RBFOX1: variants seen among roughly 807,000 people sequenced by gnomAD.
RBFOX1 encodes the protein RNA binding protein fox-1 homolog 1.
A neutral mutation model predicts 57.7 loss-of-function variants in RBFOX1; 8 were observed. The ratio of observed to expected loss-of-function variants is 0.14; its 90% CI spans 0.08 to 0.25. The LOEUF is 0.25. RBFOX1 is among the 10% of genes least tolerant of loss of function. RBFOX1 has a pLI of 1.00. For missense variants in RBFOX1, 611 were observed against 548.5 expected (o/e 1.11, Z -1.14); for synonymous variants, 326 against 222.4 (o/e 1.47, Z -4.15).
intron 3 of RBFOX1, among the ~76,000 whole-genome samples, chr16:7,041,090 T>A (rs1482682963): frequency 1.7e-5 from 2 of 120,034 alleles, no homozygotes. Flanking sequence ...TAATTTTTTT[T>A]TTTTTTTTTT....
At chr16:6,679,198 T>G (rs1457566420) in intron 3 of RBFOX1, among the ~76,000 whole-genome samples, 1 of 152,110 alleles carries the variant, frequency 6.6e-6, no homozygotes, top group Non-Finnish European at 1.5e-5. Flanking sequence ...TTATGGCATA[T>G]CAGACTGGTT....
chr16:5,572,944 G>C (rs571829903), intron 2 of RBFOX1, among the ~76,000 whole-genome samples: 14 of 152,118 alleles, frequency 9.2e-5, no homozygotes, highest in Non-Finnish European at 1.9e-4. Context: ...GAGGGAGACT[G>C]GGGGGTGATT....
At chr16:6,647,326 A>G (rs946030848) in intron 2 of RBFOX1, among the ~76,000 whole-genome samples, 5 of 151,928 alleles carry the variant, frequency 3.3e-5, no homozygotes, top group African/African-American at 4.8e-5. Context: ...GCTCGCTGCA[A>G]CTTCCGCCTC....
intron 3 of RBFOX1, among the ~76,000 whole-genome samples, chr16:6,667,171 G>A (rs987138622): frequency 1.1e-4 from 17 of 152,132 alleles, no homozygotes; most frequent in African/African-American, 3.9e-4. Context: ...ATGTGGTGTT[G>A]AGTTAAATTA....
At chr16:7,112,167 A>C (rs76490777) in intron 4 of RBFOX1, among the ~76,000 whole-genome samples, 2,196 of 152,290 alleles carry the variant, frequency 0.014, 56 homozygotes, top group African/African-American at 0.051. Context: ...AGAATCATAC[A>C]AACTTTGTTT....
At chr16:6,058,832 T>TCCA (rs1567352762) in intron 1 of RBFOX1, among the ~76,000 whole-genome samples, 15 of 81,786 alleles carry the variant, frequency 1.8e-4, no homozygotes, top group East Asian at 7.2e-4. Context: ...ACTCATTTAT[T>TCCA]TATCCATCCA....
At chr16:6,850,925 T>A (rs1273120303) in intron 3 of RBFOX1, among the ~76,000 whole-genome samples, 2 of 152,188 alleles carry the variant, frequency 1.3e-5, no homozygotes, top group African/African-American at 4.8e-5. Flanking sequence ...TGTATGCAAA[T>A]GTTCACTGCA....
At chr16:6,786,921 G>T (rs1337398543) in intron 3 of RBFOX1, among the ~76,000 whole-genome samples, 1 of 151,374 alleles carries the variant, frequency 6.6e-6, no homozygotes, top group South Asian at 2.1e-4. Flanking sequence ...AAAAAAAAAG[G>T]CTTATTGACT....
intron 5 of RBFOX1, among the ~76,000 whole-genome samples, chr16:7,518,771 C>A (rs1447647950): frequency 6.6e-6 from 1 of 152,058 alleles, no homozygotes; most frequent in Non-Finnish European, 1.5e-5. Context: ...GCCTGTGATC[C>A]CAGCACTTTG....
intron 4 of RBFOX1, among the ~76,000 whole-genome samples, chr16:5,870,771 C>T (rs182304176): frequency 1.1e-4 from 16 of 152,074 alleles, no homozygotes; most frequent in Admixed American, 4.6e-4. Context: ...TTATTTAATG[C>T]GTGATCCATA....
intron 1 of RBFOX1, among the ~76,000 whole-genome samples, chr16:6,231,129 C>G (rs556565334): frequency 1.3e-5 from 2 of 151,960 alleles, no homozygotes; most frequent in South Asian, 2.1e-4. Context: ...GATAATTAAG[C>G]TGAAATCTGA....
intron 6 of RBFOX1, among the ~76,000 whole-genome samples, chr16:7,580,866 C>T (rs2093705239): frequency 6.6e-6 from 1 of 152,200 alleles, no homozygotes; most frequent in East Asian, 1.9e-4. Flanking sequence ...ATGAAAAGAA[C>T]TACATCCTTA....
chr16:5,380,334 A>G lies in RBFOX1; in HGVS notation c.220-86882A>G, dbSNP rs114229585. 7.8e-3 allele frequency among the ~76,000 whole-genome samples: 1,183 copies of G among 152,332 alleles called. 18 individuals are homozygous for G. Among genetic ancestry groups the G allele is most frequent in the African/African-American group, 0.026 (1,096 of 41,576 alleles). On this transcript the variant is annotated intron_variant, in intron 1 of 2. Transcript: ENST00000585867. ...CTATCATTGTGCCTCTGTCCCAAGG[A>G]TAGACGTACAGAGCGGTTAGAACAA...
intron 1 of RBFOX1, among the ~76,000 whole-genome samples, chr16:5,363,561 A>T (rs1187970977): frequency 1.3e-5 from 2 of 152,248 alleles, no homozygotes; most frequent in East Asian, 3.9e-4. Context: ...TCTCCCCCTG[A>T]TTGGGGAAGT....
At chr16:5,465,643 G>T (rs2068929546) in intron 1 of RBFOX1, among the ~76,000 whole-genome samples, 1 of 152,156 alleles carries the variant, frequency 6.6e-6, no homozygotes, top group African/African-American at 2.4e-5. Flanking sequence ...CCTAGCCCAT[G>T]TTCGTTGTTA....
chr16:6,670,930 G>A (rs1245816618), intron 3 of RBFOX1, among the ~76,000 whole-genome samples: 1 of 152,128 alleles, frequency 6.6e-6, no homozygotes, highest in African/African-American at 2.4e-5. Context: ...AACCCAGGAG[G>A]CGGAGCTTGC....
At chr16:5,815,028 G>C (rs1241311776) in intron 3 of RBFOX1, among the ~76,000 whole-genome samples, 2 of 151,788 alleles carry the variant, frequency 1.3e-5, no homozygotes, top group African/African-American at 4.8e-5. Flanking sequence ...CTGTTACCCA[G>C]GCTGAAGTGC....
intron 1 of RBFOX1, among the ~76,000 whole-genome samples, chr16:5,302,069 G>C (rs570976830): frequency 2.6e-5 from 4 of 151,804 alleles, no homozygotes; most frequent in African/African-American, 9.7e-5. Flanking sequence ...TTTTAATATA[G>C]GCATTTAATG....
At chr16:6,724,678 C>T (rs909641602) in intron 3 of RBFOX1, among the ~76,000 whole-genome samples, 1 of 152,104 alleles carries the variant, frequency 6.6e-6, no homozygotes, top group Non-Finnish European at 1.5e-5. Flanking sequence ...AAGACTGCCT[C>T]AAAGTCAACA....
Sources: gnomAD v4.1 joint callset for allele counts (sites outside exome capture counted in the v4.1 genomes callset) on GRCh38, gnomAD v4.1.1 for gene constraint, MANE v1.5 for transcripts, NCBI Gene and HGNC (gene_info 2026-07-23, HGNC 2026-07-21) for gene names.